Variants in PARD3B observed in about 807,000 individuals in gnomAD.
PARD3B encodes the protein partitioning defective 3 homolog B.
PARD3B carries 103 observed loss-of-function variants against 130.2 expected under a neutral mutation model. That is an observed-to-expected ratio of 0.79 (90% CI 0.67 to 0.93). PARD3B has a LOEUF of 0.93. Among genes scored for constraint, PARD3B ranks in the 40% least tolerant of loss-of-function variants. PARD3B has a pLI of 0.00. For synonymous variants in PARD3B, 583 were observed against 553.2 expected (o/e 1.05, Z -0.76); for missense variants, 1,609 against 1,499.2 (o/e 1.07, Z -1.21).
chr2:205,302,058 T>C (rs1331458542), intron 18 of PARD3B, among the ~76,000 whole-genome samples: 1 of 109,184 alleles, frequency 9.2e-6, no homozygotes, highest in Non-Finnish European at 1.8e-5. Context: ...TTTTTCTTTT[T>C]TCTTTTCTTT....
intron 15 of PARD3B, among the ~76,000 whole-genome samples, chr2:205,231,695 G>T (rs557512660): frequency 2.0e-5 from 3 of 152,216 alleles, no homozygotes; most frequent in South Asian, 2.1e-4. Context: ...GAAGCTTGAT[G>T]TAAAATTAAT....
intron 15 of PARD3B, among the ~76,000 whole-genome samples, chr2:205,234,679 C>G (rs2038985289): frequency 6.6e-6 from 1 of 152,034 alleles, no homozygotes; most frequent in Admixed American, 6.6e-5. Context: ...ACAATATTAT[C>G]AACTATCTTG....
At chr2:204,810,095 T>A (rs75374220) in intron 2 of PARD3B, among the ~76,000 whole-genome samples, 2 of 148,696 alleles carry the variant, frequency 1.3e-5, no homozygotes, top group South Asian at 2.1e-4. Context: ...TTTTTTTTTT[T>A]AATCCTGAAA....
intron 18 of PARD3B, among the ~76,000 whole-genome samples, chr2:205,306,810 A>G (rs1286770516): frequency 6.6e-6 from 1 of 152,230 alleles, no homozygotes; most frequent in African/African-American, 2.4e-5. Context: ...ATTTTCAACA[A>G]CAAAGAACAC....
At chr2:205,533,318 G>A (rs1282570216) in intron 21 of PARD3B, among the ~76,000 whole-genome samples, 2 of 152,134 alleles carry the variant, frequency 1.3e-5, no homozygotes, top group Admixed American at 6.5e-5. Context: ...CAGATAAGCT[G>A]TTTTATACCG....
In PARD3B at chr2:204,575,206, A is replaced by C. The variant is rs1462914282; in HGVS notation, c.120+29087A>C. On this transcript the variant is annotated intron_variant, in intron 1 of 22. Coordinates refer to ENST00000406610, the MANE Select transcript of PARD3B (RefSeq NM_001302769.2). ...TATTGTTAAACATGCATAATTTCTA[A>C]ATTTATGCAAACAAACATTCATTGC... is the stretch of plus-strand genomic sequence containing the variant. Among the ~76,000 whole-genome samples the C allele has an allele frequency of 2.0e-5, 3 of 152,194 alleles. 1 individual carries two copies. Among genetic ancestry groups the C allele is most frequent in the Non-Finnish European group, 4.4e-5 (3 of 68,026 alleles).
At chr2:204,829,998 CAAAAAAAAAA>C (rs745415671) in intron 2 of PARD3B, among the ~76,000 whole-genome samples, 1 of 47,698 alleles carries the variant, frequency 2.1e-5, no homozygotes, top group Non-Finnish European at 4.1e-5. Context: ...GACTCCGTCT[CAAAAAAAAAA>C]AAAAAAAAAA....
Position 205,176,592 on chromosome 2 carries a change from AT to A in PARD3B, c.1924+19del. 1 of 1,578,660 alleles carries A rather than the reference AT, an allele frequency of 6.3e-7. No individual in the cohort carries two copies. Among genetic ancestry groups the A allele is most frequent in the Non-Finnish European group, 8.6e-7 (1 of 1,166,664 alleles). ...CAAACAGAAAGGTAAGAGTCTATTCATTTTATCCACTGCAAATGGAGTGAGA... is the reference window on the plus strand; with the variant it reads ...CAAACAGAAAGGTAAGAGTCTATTCATTTATCCACTGCAAATGGAGTGAGA... On this transcript the variant is annotated intron_variant, in intron 13 of 22. Transcript: ENST00000406610. This position sits in a 1 kb window ranked among gnomAD's most constrained non-coding sequence, Gnocchi z 5.3.
rs1265959271 is a variant in PARD3B at position 205,575,262 on chromosome 2, G to A, written c.3260+21859G>A. 1.3e-5 allele frequency among the ~76,000 whole-genome samples: 2 copies of A among 151,986 alleles called. No individual in the cohort carries two copies. The highest frequency in any genetic ancestry group is 3.9e-4 in the East Asian group (2 of 5,182). On this transcript the variant is annotated intron_variant, in intron 22 of 22. Coordinates refer to ENST00000406610, the MANE Select transcript of PARD3B (RefSeq NM_001302769.2). The surrounding 1 kb of genome is among the most constrained non-coding windows in gnomAD (Gnocchi z 4.6). ...GGTTCACACCAAATTTTAGAGGAAG[G>A]TACACAGATTTCTCATAAACCTGCC...
intron 2 of PARD3B, among the ~76,000 whole-genome samples, chr2:204,760,182 G>A (rs558751650): frequency 6.6e-6 from 1 of 152,134 alleles, no homozygotes; most frequent in South Asian, 2.1e-4. Flanking sequence ...AATAATGCTT[G>A]TATGATATTT....
At chr2:205,476,398 G>T (rs2049023609) in intron 20 of PARD3B, among the ~76,000 whole-genome samples, 1 of 152,038 alleles carries the variant, frequency 6.6e-6, no homozygotes, top group African/African-American at 2.4e-5. Context: ...CAGTAAGTAG[G>T]CTTCTCACTC....
chr2:205,378,973 GC>G (rs2045194960), intron 18 of PARD3B, among the ~76,000 whole-genome samples: 1 of 151,490 alleles, frequency 6.6e-6, no homozygotes, highest in Admixed American at 6.6e-5. Context: ...ACCGTCTGTG[GC>G]TACTTCTAAA....
intron 3 of PARD3B, among the ~76,000 whole-genome samples, chr2:205,043,433 G>A (rs1435043932): frequency 6.6e-6 from 1 of 152,114 alleles, no homozygotes; most frequent in Non-Finnish European, 1.5e-5. Context: ...TTTAAGTGAT[G>A]AGACTGAGTC....
chr2:204,989,659 G>C (rs571968710), intron 3 of PARD3B, among the ~76,000 whole-genome samples: 76 of 151,978 alleles, frequency 5.0e-4, no homozygotes, highest in African/African-American at 1.8e-3. Flanking sequence ...ATATCTCTAT[G>C]GAGTTCATTG....
intron 1 of PARD3B, among the ~76,000 whole-genome samples, chr2:204,592,237 G>GTAGTAAGGT (rs1310860976): frequency 6.6e-6 from 1 of 152,248 alleles, no homozygotes; most frequent in Non-Finnish European, 1.5e-5. Flanking sequence ...TTAGCTCTGA[G>GTAGTAAGGT]TAGTAAGGTG....
At chr2:205,387,831 TC>T (rs2045717099) in intron 18 of PARD3B, among the ~76,000 whole-genome samples, 1 of 152,130 alleles carries the variant, frequency 6.6e-6, no homozygotes, top group Non-Finnish European at 1.5e-5. Flanking sequence ...AGTCCAGCCG[TC>T]ATCTGAGTGA....
At chr2:205,529,143 GA>G (rs2051470443) in intron 21 of PARD3B, among the ~76,000 whole-genome samples, 1 of 152,168 alleles carries the variant, frequency 6.6e-6, no homozygotes, top group Admixed American at 6.6e-5. Flanking sequence ...CTGTTTATCA[GA>G]ACTTCTCCAG....
At chr2:204,546,165 C>G in intron 1 of PARD3B, 46 bp downstream of exon 1, 1 of 1,547,752 alleles carries the variant, frequency 6.5e-7, no homozygotes, top group Non-Finnish European at 8.7e-7. Flanking sequence ...GCCAAGGCAC[C>G]TGCCAGGTGC....
intron 22 of PARD3B, among the ~76,000 whole-genome samples, chr2:205,603,415 C>T (rs1014941040): frequency 2.0e-5 from 3 of 152,158 alleles, no homozygotes; most frequent in Non-Finnish European, 2.9e-5. Context: ...TGTTAATTTT[C>T]TGTCTCCATG....
Sources: gnomAD v4.1 joint callset for allele counts (sites outside exome capture counted in the v4.1 genomes callset) on GRCh38, gnomAD v4.1.1 for gene constraint, Gnocchi (gnomAD v3.1) non-coding constraint, MANE v1.5 for transcripts, NCBI Gene and HGNC (gene_info 2026-07-23, HGNC 2026-07-21) for gene names.